RANGAP1: variants seen among roughly 807,000 people sequenced by gnomAD.
RANGAP1 encodes ran GTPase-activating protein 1.
A neutral mutation model predicts 63.5 loss-of-function variants in RANGAP1; 38 were observed. That is an observed-to-expected ratio of 0.60 (90% CI 0.46 to 0.78). The LOEUF is 0.78. Ranked by LOEUF, RANGAP1 falls within the 30% of genes least tolerant of loss-of-function variation. The pLI is 0.00. For missense variants in RANGAP1, 630 were observed against 740.3 expected, an observed-to-expected ratio of 0.85 and a Z score of 1.73; for synonymous variants, 329 against 310.5, an observed-to-expected ratio of 1.06 and a Z score of -0.63.
intron 1 of RANGAP1, 95 bp from the exon 2 acceptor site, chr22:41,281,177 T>C (rs113163005): frequency 2.0e-5 from 26 of 1,291,174 alleles, no homozygotes; most frequent in African/African-American, 1.3e-4. Flanking sequence ...AGTCTGACCC[T>C]ACCTCCCCTG....
upstream of RANGAP1, among the ~76,000 whole-genome samples, chr22:41,288,158 G>A (rs1006364384): frequency 1.3e-5 from 2 of 152,118 alleles, no homozygotes; most frequent in Non-Finnish European, 2.9e-5. Flanking sequence ...AGTTCTCAAA[G>A]TTCCTGAGAT....
At chr22:41,278,530 T>C (rs1372299971) in intron 2 of RANGAP1, among the ~76,000 whole-genome samples, 1 of 152,260 alleles carries the variant, frequency 6.6e-6, no homozygotes, top group Non-Finnish European at 1.5e-5. Context: ...GTTCAATAAA[T>C]GGCATTTGCC....
At chr22:41,279,800 CAAA>C (rs139530) in intron 2 of RANGAP1, among the ~76,000 whole-genome samples, 12 of 122,054 alleles carry the variant, frequency 9.8e-5, no homozygotes, top group Admixed American at 8.2e-5. Context: ...AGACTCATCT[CAAA>C]AAAAAAAAAA....
chr22:41,248,562 C>T (rs894008944), intron 15 of RANGAP1, among the ~76,000 whole-genome samples: 3 of 152,246 alleles, frequency 2.0e-5, no homozygotes, highest in Non-Finnish European at 2.9e-5. Context: ...CCCATGTCCC[C>T]GGATGGCGCC....
intron 10 of RANGAP1, 45 bp downstream of exon 10, chr22:41,255,976 G>A: frequency 6.4e-7 from 1 of 1,553,602 alleles, no homozygotes. Flanking sequence ...AAGAAAGAAA[G>A]GAATGGCCTG....
At chr22:41,273,846 C>T (rs8137804) in intron 3 of RANGAP1, among the ~76,000 whole-genome samples, 7 of 143,510 alleles carry the variant, frequency 4.9e-5, no homozygotes, top group South Asian at 4.5e-4. Context: ...GAGGCCGAGG[C>T]GGGCAGATCA....
intron 2 of RANGAP1, among the ~76,000 whole-genome samples, chr22:41,278,721 A>C (rs551509021): frequency 6.6e-6 from 1 of 152,224 alleles, no homozygotes; most frequent in Non-Finnish European, 1.5e-5. Context: ...ATTCCAATCT[A>C]TCTCCCACAA....
chr22:41,266,179 G>T (rs2034463667), intron 4 of RANGAP1, among the ~76,000 whole-genome samples: 1 of 145,684 alleles, frequency 6.9e-6, no homozygotes, highest in Non-Finnish European at 1.5e-5. Flanking sequence ...TCCAGCCTGG[G>T]AAACAGAGTG....
chr22:41,293,905 C>G, the RANGAP1 span, among the ~76,000 whole-genome samples: 1 of 152,102 alleles, frequency 6.6e-6, no homozygotes, highest in Non-Finnish European at 1.5e-5. Flanking sequence ...TCAAGCAATG[C>G]TCCTGCCTCA....
At position 41,280,985 on chromosome 22, in the gene RANGAP1, C is replaced by G; in HGVS notation, c.60G>C (p.Gly20=). Residue 20 remains glycine (G), a synonymous_variant, in exon 2 of 16, where the codon GGG becomes GGC. Coordinates refer to ENST00000356244, the MANE Select transcript of RANGAP1 (RefSeq NM_002883.4). ...AETLAKTQVA[G]GQLSFKGKSL... The stretch of plus-strand genomic sequence containing the variant: ...TCTTGCCTTTGAAACTCAGCTGTCC[C>G]CCGGCCACCTGAGTCTTGGCAAGTG... 1.2e-6 allele frequency: 2 copies of G among 1,613,704 alleles called. No homozygotes were observed. The highest frequency in any genetic ancestry group is 1.7e-6 in the Non-Finnish European group (2 of 1,179,884).
the RANGAP1 span, among the ~76,000 whole-genome samples, chr22:41,294,657 GC>G: frequency 2.1e-5 from 3 of 142,376 alleles, no homozygotes; most frequent in Non-Finnish European, 4.6e-5. Flanking sequence ...GAGCATCTCT[GC>G]CCGGCCGCCC....
intron 2 of RANGAP1, chr22:41,280,657 C>A: frequency 1.5e-6 from 2 of 1,369,492 alleles, no homozygotes; most frequent in Non-Finnish European, 1.9e-6. Flanking sequence ...GGGACTGGCA[C>A]TAACTGTGGC....
At chr22:41,269,870 C>T (rs1356762253) in intron 3 of RANGAP1, among the ~76,000 whole-genome samples, 5 of 152,028 alleles carry the variant, frequency 3.3e-5, no homozygotes, top group African/African-American at 9.7e-5. Context: ...CTCACCCTGT[C>T]GCACCCAGGC....
chr22:41,291,317 G>A, the RANGAP1 span, among the ~76,000 whole-genome samples: 1 of 152,150 alleles, frequency 6.6e-6, no homozygotes, highest in Non-Finnish European at 1.5e-5. Flanking sequence ...TCCTTCATCG[G>A]CTGGGTGCGG....
At position 41,249,807 on chromosome 22, in the gene RANGAP1, C is replaced by T. The variant is rs1181873765; in HGVS notation, c.1494G>A (p.Met498Ile). ...AGGACGAGGAGTTGAAAGCCTTCTG[C>T]ATCAGGGCATCTGTAGGGCAGAAGC... ...MAVQDAVDAL[M>I]QKAFNSSSFN... Residue 498 changes from methionine to isoleucine, a missense_variant, in exon 14 of 16, where the codon ATG becomes ATA. Physicochemically the swap from Met to Ile is conservative, Grantham distance 10. Around this residue, in one of 3 missense-constraint regions of RANGAP1, gnomAD observed 428 missense variants for 465.5 expected, o/e 0.92. Coordinates refer to ENST00000356244, the MANE Select transcript of RANGAP1 (RefSeq NM_002883.4). The T allele has an allele frequency of 1.2e-6, 2 of 1,613,810 alleles. No individual in the cohort carries two copies. Among genetic ancestry groups the T allele is most frequent in the South Asian group, 2.2e-5 (2 of 91,072 alleles).
At chr22:41,298,935 T>G in the RANGAP1 span, among the ~76,000 whole-genome samples, 1 of 152,168 alleles carries the variant, frequency 6.6e-6, no homozygotes, top group African/African-American at 2.4e-5. Flanking sequence ...ATGGTCAGGT[T>G]GTTGGTGAGG....
chr22:41,286,791 G>T (rs1256931425), upstream of RANGAP1, among the ~76,000 whole-genome samples: 1 of 152,200 alleles, frequency 6.6e-6, no homozygotes, highest in Non-Finnish European at 1.5e-5. Flanking sequence ...TTCATCGCAC[G>T]CTTTCTGTGT....
intron 2 of RANGAP1, among the ~76,000 whole-genome samples, chr22:41,280,278 G>C (rs764606019): frequency 6.6e-6 from 1 of 152,182 alleles, no homozygotes; most frequent in Non-Finnish European, 1.5e-5. Flanking sequence ...AGTTCCCCTG[G>C]TTGGGCCAGA....
At chr22:41,281,286 A>G (rs1248699879) in intron 1 of RANGAP1, 2 of 786,392 alleles carry the variant, frequency 2.5e-6, no homozygotes, top group Non-Finnish European at 3.5e-6. Flanking sequence ...GAACAGAAAA[A>G]TCATGTCTTA....
Sources: gnomAD v4.1 joint callset for allele counts (sites outside exome capture counted in the v4.1 genomes callset) on GRCh38, gnomAD v4.1.1 for gene constraint, gnomAD v4.1.1 regional missense constraint, MANE v1.5 for transcripts, NCBI Gene and HGNC (gene_info 2026-07-23, HGNC 2026-07-21) for gene names.